CFAP53: variants seen among roughly 807,000 people sequenced by gnomAD.
CFAP53 encodes the protein cilia and flagella associated protein 53.
A neutral mutation model predicts 59.7 loss-of-function variants in CFAP53; 62 were observed. The ratio of observed to expected loss-of-function variants is 1.04; its 90% CI spans 0.85 to 1.28. The LOEUF (loss-of-function observed/expected upper bound fraction) is 1.28. Among genes scored for constraint, CFAP53 ranks in the 50% most tolerant of loss-of-function variants. CFAP53 has a pLI of 0.00. For missense variants in CFAP53, 629 were observed against 615.6 expected (o/e 1.02, Z -0.23); for synonymous variants, 218 against 205.7 (o/e 1.06, Z -0.51).
Position 50,251,543 on chromosome 18 carries a change from T to C in CFAP53, c.715A>G (p.Thr239Ala), listed in dbSNP as rs765067937. The change falls in exon 4 of 8, where the codon ACC (threonine) becomes GCC (alanine). Residue 239 changes from threonine (T) to alanine (A), a missense_variant. Thr to Ala is a moderately conservative substitution (Grantham distance 58). Coordinates refer to ENST00000398545, the MANE Select transcript of CFAP53 (RefSeq NM_145020.5). ...NTRLGLNAQI[T>A]SIKAQRQATQ... ...GCCTGCCTTTGTGCCTTGATGCTGGTGATCTGGGCATTCAGCCCCAGGCGT... is the reference window on the plus strand; with the variant it reads ...GCCTGCCTTTGTGCCTTGATGCTGGCGATCTGGGCATTCAGCCCCAGGCGT... 1.9e-6 allele frequency: 3 copies of C among 1,614,076 alleles called. No homozygotes were observed. The Admixed American group carries it at 5.0e-5, about 27-fold the overall frequency.
chr18:50,260,736 G>C (rs1000846978), intron 3 of CFAP53, among the ~76,000 whole-genome samples: 2 of 152,088 alleles, frequency 1.3e-5, no homozygotes, highest in African/African-American at 4.8e-5. Context: ...CAGCAGCAGG[G>C]GGAAAGCCCA....
intron 7 of CFAP53, among the ~76,000 whole-genome samples, chr18:50,227,833 C>T (rs904794378): frequency 1.3e-5 from 2 of 151,972 alleles, no homozygotes; most frequent in African/African-American, 2.4e-5. Flanking sequence ...AATGCTTCTT[C>T]CCTGCTCGTA....
At chr18:50,248,203 A>G (rs1211344797) in intron 5 of CFAP53, among the ~76,000 whole-genome samples, 1 of 152,136 alleles carries the variant, frequency 6.6e-6, no homozygotes, top group East Asian at 1.9e-4. Context: ...ATACAGATAG[A>G]AAACAGGCTC....
At chr18:50,235,087 C>A (rs2033619649) in intron 7 of CFAP53, among the ~76,000 whole-genome samples, 1 of 152,122 alleles carries the variant, frequency 6.6e-6, no homozygotes, top group South Asian at 2.1e-4. Flanking sequence ...TTAAATGAAA[C>A]TTGTTGCTCT....
chr18:50,248,092 C>A (rs2033761898), intron 5 of CFAP53, among the ~76,000 whole-genome samples: 1 of 149,694 alleles, frequency 6.7e-6, no homozygotes, highest in African/African-American at 2.5e-5. Flanking sequence ...TGTACTCCAG[C>A]CTAAGTGACA....
chr18:50,254,269 C>A (rs1288395703), intron 3 of CFAP53, among the ~76,000 whole-genome samples: 1 of 140,244 alleles, frequency 7.1e-6, no homozygotes. Flanking sequence ...GCAGCTAAAA[C>A]AAGCTAAATT....
chr18:50,252,337 C>G (rs897176544), intron 3 of CFAP53, among the ~76,000 whole-genome samples: 7 of 152,098 alleles, frequency 4.6e-5, no homozygotes, highest in Middle Eastern at 3.2e-3. Flanking sequence ...ATCTCCTGAT[C>G]TTGTGATCCG....
chr18:50,228,261 C>A (rs111631588), intron 7 of CFAP53, among the ~76,000 whole-genome samples: 46 of 151,930 alleles, frequency 3.0e-4, no homozygotes, highest in African/African-American at 1.0e-3. Context: ...ACCTGGCCAG[C>A]TTTTCCCCTT....
intron 1 of CFAP53, 48 bp downstream of exon 1, chr18:50,266,288 G>C: frequency 6.3e-7 from 1 of 1,586,126 alleles, no homozygotes; most frequent in Non-Finnish European, 8.7e-7. Flanking sequence ...CTGGAGTGCG[G>C]AGAGATGGAG....
In CFAP53 at chr18:50,261,277, C is replaced by T. The variant is rs1332717056; in HGVS notation, c.300-40G>A. On this transcript the variant is annotated intron_variant, in intron 2 of 7. Transcript: ENST00000398545. Reference sequence around the variant, plus strand: ...CAAAAAAAAAAAAAAAAAAAGAAAACTGTCATGCTACATGCATCGTTATAT... The same window carrying T: ...CAAAAAAAAAAAAAAAAAAAGAAAATTGTCATGCTACATGCATCGTTATAT... 4 of 1,340,936 alleles carry T rather than the reference C, an allele frequency of 3.0e-6. No individual in the cohort carries two copies. The East Asian group carries it at 9.9e-5, about 33-fold the overall frequency. The allele number at this position is 1,340,936 out of a possible 1,614,324, so 83.1% of individuals were successfully genotyped here.
In CFAP53 at chr18:50,242,966, T is replaced by C; in HGVS notation, c.1147A>G (p.Lys383Glu). 4 of 1,614,096 alleles carry C rather than the reference T, an allele frequency of 2.5e-6. No homozygotes were observed. The highest frequency in any genetic ancestry group is 2.7e-5 in the African/African-American group (2 of 75,068). ...TCCACAAGCTGTCTCCTTGCCTCCT[T>C]TTCAAGTCTCAGCTCCTTGTCCTTC... ...AEKDKELRLEKEARRQLVDEV... is the reference protein window; with the variant it reads ...AEKDKELRLEEEARRQLVDEV... Residue 383 changes from lysine (K) to glutamate (E), a missense_variant, in exon 6 of 8, where the codon AAG becomes GAG. Transcript: ENST00000398545.
chr18:50,227,656 T>A (rs1385722969), intron 7 of CFAP53, 47 bp from the exon 8 acceptor site: 2 of 1,376,272 alleles, frequency 1.5e-6, no homozygotes, highest in Admixed American at 3.5e-5. Context: ...AAGTAAGCAT[T>A]TAGATTTATT....
In CFAP53 at chr18:50,251,641, T is replaced by C. The variant is rs753917187; in HGVS notation, c.617A>G (p.Glu206Gly). The change falls in exon 4 of 8, where the codon GAG becomes GGG. Residue 206 changes from glutamate to glycine, a missense_variant. Physicochemically the swap from Glu to Gly is moderately conservative, Grantham distance 98. Coordinates refer to ENST00000398545, the MANE Select transcript of CFAP53 (RefSeq NM_145020.5). ...CTTTTCCTTGGCTAATCGGTCTTCCTCCCAGAGTTTGGAGAACATCTGCTC... is the reference window on the plus strand; with the variant it reads ...CTTTTCCTTGGCTAATCGGTCTTCCCCCCAGAGTTTGGAGAACATCTGCTC... ...VEEQMFSKLW[E>G]EDRLAKEKRE... 3 of 1,614,196 alleles carry C rather than the reference T, an allele frequency of 1.9e-6. No individual in the cohort carries two copies. Among genetic ancestry groups the C allele is most frequent in the Non-Finnish European group, 2.5e-6 (3 of 1,180,042 alleles).
At chr18:50,264,833 A>T (rs1342896717) in intron 1 of CFAP53, among the ~76,000 whole-genome samples, 1 of 152,194 alleles carries the variant, frequency 6.6e-6, no homozygotes, top group Non-Finnish European at 1.5e-5. Flanking sequence ...TCAGCCCCTG[A>T]GCCCAGTGTT....
rs375801610 is a variant in CFAP53 at position 50,262,168 on chromosome 18, G to C, written c.121C>G (p.Arg41Gly). ...GCATTATGCTTCTGATGGCTGCGTC[G>C]GATTCTTTCTAGATGGTGCTCAGCT... ...QGAEHHLERI[R>G]RSHQKHNAIL... The change falls in exon 2 of 8, where the codon CGA becomes GGA. Residue 41 changes from arginine to glycine, a missense_variant. Arg to Gly is a moderately radical substitution (Grantham distance 125). Coordinates refer to ENST00000398545, the MANE Select transcript of CFAP53 (RefSeq NM_145020.5). The C allele has an allele frequency of 6.2e-7, 1 of 1,614,120 alleles. No individual in the cohort carries two copies. Among genetic ancestry groups the C allele is most frequent in the Admixed American group, 1.7e-5 (1 of 60,022 alleles).
intron 5 of CFAP53, among the ~76,000 whole-genome samples, chr18:50,248,233 C>A (rs1388394572): frequency 1.3e-5 from 2 of 151,106 alleles, no homozygotes; most frequent in Admixed American, 6.6e-5. Context: ...TGTTCAAAAT[C>A]ATTAGCCATT....
chr18:50,263,724 T>C (rs566495730), intron 1 of CFAP53, among the ~76,000 whole-genome samples: 1 of 152,310 alleles, frequency 6.6e-6, no homozygotes, highest in Non-Finnish European at 1.5e-5. Context: ...CAGTGTGAGC[T>C]GAGAACAGGA....
At chr18:50,235,824 T>C (rs908788486) in intron 7 of CFAP53, among the ~76,000 whole-genome samples, 1 of 152,190 alleles carries the variant, frequency 6.6e-6, no homozygotes, top group African/African-American at 2.4e-5. Context: ...TTTAGGTCCA[T>C]GTAACCTCCT....
At chr18:50,263,035 A>G (rs1437371689) in intron 1 of CFAP53, among the ~76,000 whole-genome samples, 2 of 152,240 alleles carry the variant, frequency 1.3e-5, no homozygotes, top group African/African-American at 4.8e-5. Flanking sequence ...AGATACACTT[A>G]ATGAAATCAC....
Sources: allele counts gnomAD v4.1 joint callset (sites outside exome capture counted in the v4.1 genomes callset), GRCh38; gene constraint gnomAD v4.1.1; transcripts MANE v1.5; gene names NCBI Gene and HGNC (gene_info 2026-07-23, HGNC 2026-07-21).